Variants in VWA1 observed in about 807,000 individuals in gnomAD.
VWA1 encodes von Willebrand factor A domain-containing protein 1.
In VWA1, 12 loss-of-function variants were observed where a neutral mutation model predicts 14.9. The observed-to-expected ratio is 0.80, with a 90% CI of 0.52 to 1.30. VWA1 has a LOEUF of 1.30. VWA1 is among the 50% of genes most tolerant of loss of function. The pLI is 0.00. For synonymous variants in VWA1, 368 were observed against 310.7 expected (o/e 1.18, Z -1.94); for missense variants, 800 against 649.1 (o/e 1.23, Z -2.53).
chr1:1,435,745 C>T lies in VWA1; in HGVS notation c.-4C>T, dbSNP rs1468551849. 3.3e-6 allele frequency: 4 copies of T among 1,209,368 alleles called. No homozygotes were observed. Among genetic ancestry groups the T allele is most frequent in the Admixed American group, 4.1e-5 (1 of 24,556 alleles). 74.9% of individuals were successfully genotyped at this position (1,209,368 alleles called of 1,614,324 possible). ...TGCCGAGCGCGCCCCGTCCCTCGCG[C>T]GCGATGCTCCCCTGGACGGCGCTCG... On this transcript the variant is annotated 5_prime_UTR_variant, in exon 1 of 3. Transcript: ENST00000476993.
Position 1,439,810 on chromosome 1 carries a change from G to C in VWA1, c.*23G>C. 1 of 1,066,704 alleles carries C rather than the reference G, an allele frequency of 9.4e-7. No individual in the cohort carries two copies. Among genetic ancestry groups the C allele is most frequent in the Non-Finnish European group, 1.1e-6 (1 of 881,900 alleles). The allele number at this position is 1,066,704 out of a possible 1,614,324, so 66.1% of individuals were successfully genotyped here. A position where few individuals can be genotyped will look rare whatever the true frequency, so the allele number is the denominator to read the frequency against. On this transcript the variant is annotated 3_prime_UTR_variant, in exon 3 of 3. Coordinates refer to ENST00000476993, the MANE Select transcript of VWA1 (RefSeq NM_022834.5). ...TAAGCCGGCGTCCCCGCCCAGCCGA[G>C]AGGGCCGGCGCCTACCTGAGGGCCC...
Position 1,439,864 on chromosome 1 carries a change from C to G in VWA1, c.*77C>G. 2 of 1,040,292 alleles carry G rather than the reference C, an allele frequency of 1.9e-6. No individual in the cohort carries two copies. Among genetic ancestry groups the G allele is most frequent in the South Asian group, 4.5e-5 (1 of 22,090 alleles). The allele number at this position is 1,040,292 out of a possible 1,614,324, so 64.4% of individuals were successfully genotyped here. A position where few individuals can be genotyped will look rare whatever the true frequency, so the allele number is the denominator to read the frequency against. On this transcript the variant is annotated 3_prime_UTR_variant, in exon 3 of 3. Transcript: ENST00000476993. ...TGTCCCGAACCCGGAGCGGAGGCGC[C>G]CAACCCGGCAGACGGGTGCAGGCCC...
Position 1,439,244 on chromosome 1 carries a change from C to T in VWA1, c.795C>T (p.Ala265=). The change falls in exon 3 of 3, where the codon GCC becomes GCT. Residue 265 remains alanine, a synonymous_variant. Coordinates refer to ENST00000476993, the MANE Select transcript of VWA1 (RefSeq NM_022834.5). ...AARRQQLPGN[A]TDWIWAGLDP... is the part of the protein sequence containing the mutation. The stretch of plus-strand genomic sequence containing the variant: ...GACGCCAGCAGCTGCCAGGGAACGC[C>T]ACGGACTGGATCTGGGCCGGCCTCG... 2.5e-6 allele frequency: 4 copies of T among 1,607,580 alleles called. No homozygotes were observed. The highest frequency in any genetic ancestry group is 3.4e-6 in the Non-Finnish European group (4 of 1,178,908).
intron 2 of VWA1, among the ~76,000 whole-genome samples, 196 bp from the exon 3 acceptor site, chr1:1,438,885 C>G (rs543164186): frequency 1.3e-5 from 2 of 152,320 alleles, no homozygotes; most frequent in South Asian, 2.1e-4. Flanking sequence ...CCCTTTCCTC[C>G]GTCCTCCCCC....
rs762656228 is a variant in VWA1, at chr1:1,439,182, C to T, written c.733C>T (p.Leu245=). 9.3e-6 allele frequency: 15 copies of T among 1,605,654 alleles called. No individual in the cohort carries two copies. Among genetic ancestry groups the T allele is most frequent in the Non-Finnish European group, 1.3e-5 (15 of 1,179,400 alleles). Residue 245 remains leucine (L), a synonymous_variant, in exon 3 of 3, where the codon CTG becomes TTG. Coordinates refer to ENST00000476993, the MANE Select transcript of VWA1 (RefSeq NM_022834.5). ...GACCGCAGACTCGGGCTACTATGTG[C>T]TGGAGCTGGTGCCCAGCGCCCAGCC... The part of the protein sequence containing the change: ...LLTADSGYYV[L]ELVPSAQPGA...
At chr1:1,435,898 G>T in intron 1 of VWA1, 77 bp downstream of exon 1, 8 of 930,228 alleles carry the variant, frequency 8.6e-6, no homozygotes, top group Non-Finnish European at 1.0e-5. Context: ...CAAGGCCGTC[G>T]CTGTCCCCTG....
intron 2 of VWA1, 121 bp from the exon 3 acceptor site, chr1:1,438,960 C>CGGGGCCCCGTCTTTCCTAGT (rs1638599739): frequency 7.0e-7 from 1 of 1,419,616 alleles, no homozygotes; most frequent in Non-Finnish European, 9.2e-7. Context: ...TCCTTGGCCG[C>CGGGGCCCCGTCTTTCCTAGT]GGGGCCCCGT....
chr1:1,436,789 C>G, intron 1 of VWA1, 138 bp from the exon 2 acceptor site: 1 of 867,856 alleles, frequency 1.2e-6, no homozygotes, highest in Non-Finnish European at 1.8e-6. Flanking sequence ...CTTAGAGTTC[C>G]TCTTTCCCCC....
Position 1,439,481 on chromosome 1 carries a change from G to A in VWA1, c.1032G>A (p.Arg344=). 7.0e-7 allele frequency: 1 copy of A among 1,419,772 alleles called. No individual in the cohort carries two copies. Among genetic ancestry groups the A allele is most frequent in the Non-Finnish European group, 9.1e-7 (1 of 1,092,952 alleles). 87.9% of individuals were successfully genotyped at this position (1,419,772 alleles called of 1,614,324 possible). Residue 344 remains arginine, a synonymous_variant, in exon 3 of 3, where the codon CGG becomes CGA. Coordinates refer to ENST00000476993, the MANE Select transcript of VWA1 (RefSeq NM_022834.5). ...GPERIVISHA[R]PRSLRVSWAP... ...AGCGCATCGTCATCTCCCACGCCCGGCCGCGCAGCCTCCGCGTGAGTTGGG... is the reference window on the plus strand; with the variant it reads ...AGCGCATCGTCATCTCCCACGCCCGACCGCGCAGCCTCCGCGTGAGTTGGG...
Position 1,439,156 on chromosome 1 carries a change from T to C in VWA1, c.707T>C (p.Leu236Pro), listed in dbSNP as rs1438904749. The change falls in exon 3 of 3, where the codon CTG becomes CCG. Residue 236 changes from leucine (L) to proline (P), a missense_variant. Coordinates refer to ENST00000476993, the MANE Select transcript of VWA1 (RefSeq NM_022834.5). ...SGFRLAWPPL[L>P]TADSGYYVLE... ...TTCCGCCTGGCCTGGCCACCCCTGC[T>C]GACCGCAGACTCGGGCTACTATGTG... 5 of 1,603,492 alleles carry C rather than the reference T, an allele frequency of 3.1e-6. No individual in the cohort carries two copies. The Admixed American group carries it at 6.7e-5, about 21-fold the overall frequency.
Position 1,436,947 on chromosome 1 carries a change from C to T in VWA1, c.94C>T (p.Arg32Ter), listed in dbSNP as rs762573767. 25 of 1,607,494 alleles carry T rather than the reference C, an allele frequency of 1.6e-5. No individual in the cohort carries two copies. Among genetic ancestry groups the T allele is most frequent in the South Asian group, 4.4e-5 (4 of 90,638 alleles). The change falls in exon 2 of 3, where the codon CGA (arginine) becomes TGA (stop). Residue 32 changes from arginine (R) to a stop codon, truncating the protein, a stop_gained. Transcript: ENST00000476993. LOFTEE classifies it high-confidence loss of function. Reference protein sequence around the residue: ...AERGPPASAPRGDLMFLLDSS... With the variant: ...AERGPPASAP ...CCCAGGTCCACCAGCATCAGCCCCC[C>T]GAGGGGACCTGATGTTCCTGCTGGA...
At chr1:1,438,467 G>C (rs1447305576) in intron 2 of VWA1, among the ~76,000 whole-genome samples, 1 of 152,192 alleles carries the variant, frequency 6.6e-6, no homozygotes, top group African/African-American at 2.4e-5. Flanking sequence ...GCAGGAGGAA[G>C]ATCCTGATAG....
rs753372307 is a variant in VWA1 at position 1,437,479 on chromosome 1, T to C, written c.626T>C (p.Ile209Thr). 3 of 1,600,620 alleles carry C rather than the reference T, an allele frequency of 1.9e-6. No homozygotes were observed. In the East Asian group the frequency reaches 6.7e-5, roughly 36 times the overall value. Residue 209 changes from isoleucine (I) to threonine (T), a missense_variant, in exon 2 of 3, where the codon ATT (isoleucine) becomes ACT (threonine). Transcript: ENST00000476993. ...ATTGTCCAAGAGCTGAGGGGCTCCA[T>C]TCTCGGTATGCGGGAGGAGGCAGGG... ...HIIVQELRGS[I>T]LDAMRPQQLH...
intron 1 of VWA1, 87 bp from the exon 2 acceptor site, chr1:1,436,840 A>G (rs1218524310): frequency 7.2e-7 from 1 of 1,394,412 alleles, no homozygotes; most frequent in Non-Finnish European, 9.7e-7. Flanking sequence ...CCACTTAAGG[A>G]AAGCTGGGGC....
rs1381743129 is a variant in VWA1, at chr1:1,436,956, C to T, written c.103C>T (p.Leu35=). The T allele has an allele frequency of 2.5e-6, 4 of 1,611,138 alleles. No individual in the cohort carries two copies. The highest frequency in any genetic ancestry group is 3.3e-5 in the Admixed American group (2 of 59,830). The change falls in exon 2 of 3, where the codon CTG becomes TTG. Residue 35 remains leucine, a synonymous_variant. Coordinates refer to ENST00000476993, the MANE Select transcript of VWA1 (RefSeq NM_022834.5). ...GPPASAPRGD[L]MFLLDSSASV... ...ACCAGCATCAGCCCCCCGAGGGGAC[C>T]TGATGTTCCTGCTGGACAGCTCAGC...
rs1259241078 is a variant in VWA1, at chr1:1,441,490, C to G, written c.*1703C>G. 1 of 152,558 alleles carries G rather than the reference C, an allele frequency of 6.6e-6. No homozygotes were observed. Among genetic ancestry groups the G allele is most frequent in the Non-Finnish European group, 1.5e-5 (1 of 68,358 alleles). The allele number at this position is 152,558 out of a possible 1,614,324, so 9.5% of individuals were successfully genotyped here. A position where few individuals can be genotyped will look rare whatever the true frequency, so the allele number is the denominator to read the frequency against. ...TTTCTCCTGAGCTCCCCTTAGCCCCCAAGTCAGGCCACGGAGGCCTGAGTA... is the reference window on the plus strand; with the variant it reads ...TTTCTCCTGAGCTCCCCTTAGCCCCGAAGTCAGGCCACGGAGGCCTGAGTA... On this transcript the variant is annotated 3_prime_UTR_variant, in exon 3 of 3. Transcript: ENST00000476993.
rs551305145 is a variant in VWA1 at position 1,439,344 on chromosome 1, G to T, written c.895G>T (p.Val299Leu). The T allele has an allele frequency of 8.3e-6, 13 of 1,561,800 alleles. No individual in the cohort carries two copies. The South Asian group carries it at 1.5e-4, about 18-fold the overall frequency. ...CCTCCTGAGGCCCCAGATCCTGCGG[G>T]TGCGCACGCGGCCCGGTGAGGCAGG... Reference protein sequence around the residue: ...VRLLRPQILRVRTRPGEAGPG... With the variant: ...VRLLRPQILRLRTRPGEAGPG... The change falls in exon 3 of 3, where the codon GTG becomes TTG. Residue 299 changes from valine (V) to leucine (L), a missense_variant. Val to Leu is a conservative substitution (Grantham distance 32). Transcript: ENST00000476993.
rs1169943849 is a variant in VWA1 at position 1,441,436 on chromosome 1, TG to T, written c.*1656del. 1.3e-5 allele frequency: 2 copies of T among 152,590 alleles called. No individual in the cohort carries two copies. Among genetic ancestry groups the T allele is most frequent in the Non-Finnish European group, 2.9e-5 (2 of 68,420 alleles). The allele number at this position is 152,590 out of a possible 1,614,324, so 9.5% of individuals were successfully genotyped here. On this transcript the variant is annotated 3_prime_UTR_variant, in exon 3 of 3. Transcript: ENST00000476993. ...TGCCTGTGTGTGCAGGGGGTGTCTG[TG>T]GGGGGGCCCTGCTGGCTGGACTTTG... is the stretch of plus-strand genomic sequence containing the variant.
rs1321645769 is a variant in VWA1 at position 1,435,855 on chromosome 1, G to A, written c.73+34G>A. The A allele has an allele frequency of 2.3e-5, 25 of 1,108,102 alleles. No individual in the cohort carries two copies. In the East Asian group the frequency reaches 1.6e-3, roughly 72 times the overall value. 68.6% of individuals were successfully genotyped at this position (1,108,102 alleles called of 1,614,324 possible). On this transcript the variant is annotated intron_variant, in intron 1 of 2. Transcript: ENST00000476993. ...GGCGGGCGGCCGGGCCGGGGCTGGGGCTTCTGGTGACCGCTCTGCGCCGCT... is the reference window on the plus strand; with the variant it reads ...GGCGGGCGGCCGGGCCGGGGCTGGGACTTCTGGTGACCGCTCTGCGCCGCT...
Sources: gnomAD v4.1 joint callset for allele counts (sites outside exome capture counted in the v4.1 genomes callset) on GRCh38, gnomAD v4.1.1 for gene constraint, MANE v1.5 for transcripts, NCBI Gene and HGNC (gene_info 2026-07-23, HGNC 2026-07-21) for gene names.